Variants in PTPRD observed in about 807,000 individuals in gnomAD.
The protein encoded by PTPRD is protein tyrosine phosphatase receptor type D, also known as receptor-type tyrosine-protein phosphatase delta.
In PTPRD, 34 loss-of-function variants were observed where a neutral mutation model predicts 214.5. The observed-to-expected ratio is 0.16, with a 90% CI of 0.12 to 0.21. PTPRD has a LOEUF of 0.21. PTPRD is among the 10% of genes least tolerant of loss of function. The pLI, the probability that PTPRD is intolerant of heterozygous loss-of-function variation, is 1.00. For synonymous variants in PTPRD, 1,128 were observed against 845.7 expected (o/e 1.33, Z -5.79); for missense variants, 2,545 against 2,398.7 (o/e 1.06, Z -1.27).
chr9:8,514,088 C>T (rs1381027693), intron 21 of PTPRD, among the ~76,000 whole-genome samples: 2 of 152,074 alleles, frequency 1.3e-5, no homozygotes, highest in Non-Finnish European at 2.9e-5. Context: ...GTCCCCAGCT[C>T]ACAGTAACTC....
intron 11 of PTPRD, among the ~76,000 whole-genome samples, chr9:8,797,659 C>T (rs1431962597): frequency 6.6e-6 from 1 of 152,186 alleles, no homozygotes; most frequent in Admixed American, 6.5e-5. Flanking sequence ...CCACCAACTA[C>T]ATGTGATTTT....
chr9:10,036,306 C>G (rs547277121), intron 3 of PTPRD, among the ~76,000 whole-genome samples: 4 of 152,172 alleles, frequency 2.6e-5, no homozygotes, highest in African/African-American at 9.6e-5. Flanking sequence ...AAATGATCAT[C>G]AATGTGTTAC....
chr9:9,104,157 A>C (rs905123496), intron 10 of PTPRD, among the ~76,000 whole-genome samples: 3 of 152,178 alleles, frequency 2.0e-5, no homozygotes, highest in Non-Finnish European at 2.9e-5. Flanking sequence ...TTTGTGGGCT[A>C]TCCAGTCTTT....
chr9:10,160,929 A>T (rs1357170628), intron 3 of PTPRD, among the ~76,000 whole-genome samples: 2 of 151,942 alleles, frequency 1.3e-5, no homozygotes, highest in East Asian at 1.9e-4. Flanking sequence ...TCTTCAGTTA[A>T]CAATATGAAA....
At position 10,363,171 on chromosome 9, in the gene PTPRD, T is replaced by G. The variant is rs544268298; in HGVS notation, c.-599-22154A>C. Among the ~76,000 whole-genome samples, 3 of 152,312 alleles carry G rather than the reference T, an allele frequency of 2.0e-5. No individual in the cohort carries two copies. The South Asian group carries it at 6.2e-4, about 32-fold the overall frequency. ...TAATATTTATACAACAAATTGTGAATCTTGTTAAAATGCAGATTATGATTT... is the reference window on the plus strand; with the variant it reads ...TAATATTTATACAACAAATTGTGAAGCTTGTTAAAATGCAGATTATGATTT... On this transcript the variant is annotated intron_variant, in intron 2 of 45. Transcript: ENST00000381196.
At chr9:8,951,322 T>A (rs940863140) in intron 11 of PTPRD, among the ~76,000 whole-genome samples, 14 of 72,952 alleles carry the variant, frequency 1.9e-4, no homozygotes, top group Non-Finnish European at 3.6e-4. Flanking sequence ...GGATCCTCCT[T>A]TTTTTTTTTT....
chr9:10,322,503 T>C (rs1241589911), intron 3 of PTPRD, among the ~76,000 whole-genome samples: 2 of 152,088 alleles, frequency 1.3e-5, no homozygotes, highest in Admixed American at 1.3e-4. Flanking sequence ...GAGCCTAGCT[T>C]ATATATTTGC....
intron 30 of PTPRD, among the ~76,000 whole-genome samples, chr9:8,482,101 C>G (rs2096899460): frequency 1.3e-5 from 2 of 152,076 alleles, no homozygotes; most frequent in South Asian, 4.1e-4. Context: ...TTAATAACTT[C>G]TCTAAGCCCA....
chr9:10,080,364 C>G (rs1251268265), intron 3 of PTPRD, among the ~76,000 whole-genome samples: 1 of 152,108 alleles, frequency 6.6e-6, no homozygotes, highest in Non-Finnish European at 1.5e-5. Context: ...GAAATGTTAA[C>G]ACTGTATGCA....
intron 5 of PTPRD, among the ~76,000 whole-genome samples, chr9:9,864,377 A>G (rs1436045106): frequency 2.6e-5 from 4 of 152,166 alleles, no homozygotes; most frequent in Admixed American, 6.5e-5. Context: ...CTATGAAGTA[A>G]GAAGTTGGGA....
intron 11 of PTPRD, among the ~76,000 whole-genome samples, chr9:8,979,469 G>A (rs12553735): frequency 0.29 from 43,412 of 151,692 alleles, 7,059 homozygotes; most frequent in East Asian, 0.63. Flanking sequence ...GTGGAAAAAA[G>A]TATTTTTAAA....
chr9:8,782,694 T>A (rs2095776268), intron 11 of PTPRD, among the ~76,000 whole-genome samples: 1 of 148,604 alleles, frequency 6.7e-6, no homozygotes, highest in African/African-American at 2.5e-5. Context: ...ACCTCCCGAG[T>A]TCAAGCAATT....
intron 4 of PTPRD, among the ~76,000 whole-genome samples, chr9:9,979,955 C>A (rs2095484099): frequency 1.3e-5 from 2 of 152,086 alleles, no homozygotes; most frequent in Non-Finnish European, 2.9e-5. Flanking sequence ...AAGTAAAATT[C>A]GATCCTGATC....
intron 5 of PTPRD, among the ~76,000 whole-genome samples, chr9:9,914,861 G>A (rs575629813): frequency 5.8e-4 from 89 of 152,226 alleles, no homozygotes; most frequent in African/African-American, 2.0e-3. Context: ...TCATGGGCCT[G>A]CAAAACAGAC....
At chr9:9,849,797 G>T (rs189587793) in intron 5 of PTPRD, among the ~76,000 whole-genome samples, 4 of 152,014 alleles carry the variant, frequency 2.6e-5, no homozygotes, top group Non-Finnish European at 5.9e-5. Flanking sequence ...AAGCCTCTAA[G>T]AATCAAATCA....
intron 2 of PTPRD, among the ~76,000 whole-genome samples, chr9:10,414,452 G>T (rs1199594381): frequency 6.6e-6 from 1 of 151,898 alleles, no homozygotes; most frequent in Non-Finnish European, 1.5e-5. Flanking sequence ...ATGCTGGCAA[G>T]ATCATGCAGA....
chr9:9,685,279 T>C (rs1310140422), intron 7 of PTPRD, among the ~76,000 whole-genome samples: 1 of 150,594 alleles, frequency 6.6e-6, no homozygotes, highest in Non-Finnish European at 1.5e-5. Flanking sequence ...TATATATATA[T>C]GTATCCATAG....
chr9:8,727,699 C>G (rs545149604), intron 12 of PTPRD, among the ~76,000 whole-genome samples: 8 of 152,064 alleles, frequency 5.3e-5, no homozygotes, highest in Non-Finnish European at 7.4e-5. Context: ...CTCTGTCACA[C>G]GGCTGCAGTG....
At chr9:9,975,097 A>T (rs1485291011) in intron 4 of PTPRD, among the ~76,000 whole-genome samples, 1 of 151,886 alleles carries the variant, frequency 6.6e-6, no homozygotes, top group African/African-American at 2.4e-5. Flanking sequence ...CTCTCCCGTT[A>T]GCACTGTCTT....
Sources: gnomAD v4.1 joint callset for allele counts (sites outside exome capture counted in the v4.1 genomes callset) on GRCh38, gnomAD v4.1.1 for gene constraint, MANE v1.5 for transcripts, NCBI Gene and HGNC (gene_info 2026-07-23, HGNC 2026-07-21) for gene names.